ADGRB3: variants seen among roughly 807,000 people sequenced by gnomAD.
ADGRB3 encodes the protein adhesion G protein-coupled receptor B3.
Under a neutral mutation model 193.4 loss-of-function variants are expected in ADGRB3, and 37 were observed. That is an observed-to-expected ratio of 0.19 (90% CI 0.15 to 0.25). The LOEUF is 0.25. ADGRB3 is among the 10% of genes least tolerant of loss of function. The pLI is 1.00. For missense variants in ADGRB3, 1,637 were observed against 1,852.9 expected (o/e 0.88, Z 2.14); for synonymous variants, 690 against 644.2 (o/e 1.07, Z -1.08).
intron 30 of ADGRB3, among the ~76,000 whole-genome samples, chr6:69,378,934 G>T (rs1769890259): frequency 2.0e-5 from 3 of 151,902 alleles, no homozygotes; most frequent in Non-Finnish European, 4.4e-5. Flanking sequence ...ATAATTAAAG[G>T]ATTGCAATGA....
chr6:68,683,271 T>C (rs569212693), intron 3 of ADGRB3, among the ~76,000 whole-genome samples: 362 of 152,246 alleles, frequency 2.4e-3, no homozygotes, highest in African/African-American at 8.5e-3. Flanking sequence ...GAGATATTGA[T>C]AAAGATTTAC....
intron 13 of ADGRB3, among the ~76,000 whole-genome samples, chr6:69,038,374 A>G (rs775791830): frequency 2.4e-4 from 37 of 152,148 alleles, no homozygotes; most frequent in Admixed American, 2.3e-3. Context: ...ATAATGCTGT[A>G]TATACACAAG....
At chr6:68,721,593 T>G (rs1355678619) in intron 3 of ADGRB3, among the ~76,000 whole-genome samples, 1 of 142,018 alleles carries the variant, frequency 7.0e-6, no homozygotes, top group East Asian at 2.0e-4. Flanking sequence ...ACCTGCACGT[T>G]GTGCACATGT....
intron 20 of ADGRB3, among the ~76,000 whole-genome samples, chr6:69,254,204 T>A (rs1223765034): frequency 6.6e-6 from 1 of 152,216 alleles, no homozygotes; most frequent in Non-Finnish European, 1.5e-5. Flanking sequence ...CTGATTAGAT[T>A]TTTAAAAGTA....
intron 10 of ADGRB3, among the ~76,000 whole-genome samples, chr6:68,983,789 C>T (rs1010793215): frequency 5.3e-5 from 8 of 151,730 alleles, no homozygotes; most frequent in African/African-American, 1.9e-4. Context: ...TAGCAGGGTG[C>T]CAACATACAG....
chr6:69,185,289 A>G (rs964757825), intron 17 of ADGRB3, among the ~76,000 whole-genome samples: 1 of 152,120 alleles, frequency 6.6e-6, no homozygotes, highest in Non-Finnish European at 1.5e-5. Flanking sequence ...GTACAGCATA[A>G]AAACTCTCCT....
At chr6:69,165,895 C>G (rs898510384) in intron 17 of ADGRB3, among the ~76,000 whole-genome samples, 1 of 151,934 alleles carries the variant, frequency 6.6e-6, no homozygotes, top group Non-Finnish European at 1.5e-5. Flanking sequence ...GCACAAGGGA[C>G]TAAATTTTAA....
intron 15 of ADGRB3, among the ~76,000 whole-genome samples, chr6:69,055,829 TTTG>T (rs1771530605): frequency 6.6e-6 from 1 of 151,514 alleles, no homozygotes; most frequent in South Asian, 2.1e-4. Context: ...TTTGCTTTGT[TTTG>T]TTTTGTTTTG....
intron 21 of ADGRB3, among the ~76,000 whole-genome samples, chr6:69,325,275 G>T (rs1197148494): frequency 6.6e-6 from 1 of 151,934 alleles, no homozygotes; most frequent in Non-Finnish European, 1.5e-5. Context: ...GAGACCCCGA[G>T]ATGCCTACAC....
intron 17 of ADGRB3, among the ~76,000 whole-genome samples, chr6:69,138,552 A>T (rs1351444566): frequency 6.6e-6 from 1 of 152,176 alleles, no homozygotes; most frequent in Non-Finnish European, 1.5e-5. Flanking sequence ...AAGTCATTTG[A>T]TTCTTTCATA....
At chr6:68,917,909 A>G (rs1341713041) in intron 3 of ADGRB3, among the ~76,000 whole-genome samples, 1 of 152,216 alleles carries the variant, frequency 6.6e-6, no homozygotes, top group African/African-American at 2.4e-5. Context: ...ATGTTGACTC[A>G]TTAAACTTTG....
intron 17 of ADGRB3, among the ~76,000 whole-genome samples, chr6:69,184,525 A>G (rs1352754332): frequency 1.3e-5 from 2 of 152,164 alleles, no homozygotes; most frequent in Non-Finnish European, 2.9e-5. Flanking sequence ...TTTCTGTGAC[A>G]TAAAATTTAT....
intron 17 of ADGRB3, among the ~76,000 whole-genome samples, chr6:69,078,660 G>T (rs549893570): frequency 6.6e-6 from 1 of 151,946 alleles, no homozygotes; most frequent in Non-Finnish European, 1.5e-5. Flanking sequence ...CTGTGCTTCT[G>T]TGTATCTCCT....
intron 3 of ADGRB3, among the ~76,000 whole-genome samples, chr6:68,868,261 A>C (rs1240744062): frequency 6.6e-6 from 1 of 152,080 alleles, no homozygotes; most frequent in Non-Finnish European, 1.5e-5. Context: ...ATGGTTTAAA[A>C]GTGTGTGTCA....
chr6:68,910,752 T>A (rs1032510086), intron 3 of ADGRB3, among the ~76,000 whole-genome samples: 4 of 152,178 alleles, frequency 2.6e-5, no homozygotes, highest in African/African-American at 9.7e-5. Context: ...TCTGTTCTGT[T>A]CCATTGATCT....
chr6:69,283,478 C>A (rs1470765151), intron 20 of ADGRB3, among the ~76,000 whole-genome samples: 1 of 152,112 alleles, frequency 6.6e-6, no homozygotes, highest in Non-Finnish European at 1.5e-5. Flanking sequence ...GGCTTCTTCA[C>A]TCCACCAGGC....
chr6:68,845,829 A>G (rs1768262584), intron 3 of ADGRB3, among the ~76,000 whole-genome samples: 1 of 152,174 alleles, frequency 6.6e-6, no homozygotes, highest in African/African-American at 2.4e-5. Context: ...CAGTAAATTT[A>G]TACCAGTAGA....
At chr6:69,160,914 G>A (rs1246907691) in intron 17 of ADGRB3, among the ~76,000 whole-genome samples, 1 of 152,092 alleles carries the variant, frequency 6.6e-6, no homozygotes, top group Admixed American at 6.6e-5. Flanking sequence ...TCAAAGAACT[G>A]GAGGCAATGT....
At chr6:68,758,527 T>C (rs561518206) in intron 3 of ADGRB3, among the ~76,000 whole-genome samples, 1 of 152,262 alleles carries the variant, frequency 6.6e-6, no homozygotes, top group Admixed American at 6.5e-5. Context: ...AATATGTCAT[T>C]TGTGTCGTCT....
Sources: allele counts gnomAD v4.1 joint callset (sites outside exome capture counted in the v4.1 genomes callset), GRCh38; gene constraint gnomAD v4.1.1; transcripts MANE v1.5; gene names NCBI Gene and HGNC (gene_info 2026-07-23, HGNC 2026-07-21).